SORCS1: variants seen among roughly 807,000 people sequenced by gnomAD.
SORCS1 encodes VPS10 domain-containing receptor SorCS1.
A neutral mutation model predicts 146.1 loss-of-function variants in SORCS1; 60 were observed. The observed-to-expected ratio is 0.41, with a 90% CI of 0.33 to 0.51. SORCS1 has a LOEUF of 0.51. Among genes scored for constraint, SORCS1 ranks in the 20% least tolerant of loss-of-function variants. SORCS1 has a pLI of 0.21. For missense variants in SORCS1, 1,352 were observed against 1,487.6 expected (o/e 0.91, Z 1.50); for synonymous variants, 637 against 584.0 (o/e 1.09, Z -1.31).
chr10:106,819,031 GATCTGGAACAAAATAGGC>G (rs1947881284), intron 3 of SORCS1, among the ~76,000 whole-genome samples: 1 of 152,112 alleles, frequency 6.6e-6, no homozygotes, highest in South Asian at 2.1e-4. Flanking sequence ...TCTTAAAAAA[GATCTGGAACAAAATAGGC>G]ATTTAATACC....
intron 17 of SORCS1, among the ~76,000 whole-genome samples, chr10:106,660,970 A>C (rs1404072998): frequency 2.0e-5 from 3 of 152,254 alleles, no homozygotes; most frequent in African/African-American, 7.2e-5. Flanking sequence ...GGTTTCTTAG[A>C]ATAAACCAAC....
At chr10:106,897,829 G>C (rs1488825326) in intron 2 of SORCS1, among the ~76,000 whole-genome samples, 3 of 152,226 alleles carry the variant, frequency 2.0e-5, no homozygotes, top group Non-Finnish European at 4.4e-5. Context: ...CGTGAGCTCA[G>C]GACTTTGAAC....
intron 1 of SORCS1, among the ~76,000 whole-genome samples, chr10:107,112,280 G>A (rs1965748748): frequency 6.6e-6 from 1 of 152,038 alleles, no homozygotes; most frequent in African/African-American, 2.4e-5. Context: ...TAGAGTTCTT[G>A]TATGCAAAAT....
chr10:106,946,409 G>A (rs1954346853), intron 2 of SORCS1, among the ~76,000 whole-genome samples: 1 of 152,214 alleles, frequency 6.6e-6, no homozygotes, highest in Admixed American at 6.5e-5. Context: ...TTTGGTGGGA[G>A]GTAATTGAAT....
intron 24 of SORCS1, among the ~76,000 whole-genome samples, chr10:106,596,833 G>A (rs1000664150): frequency 2.6e-4 from 40 of 152,230 alleles, no homozygotes; most frequent in Admixed American, 1.8e-3. Context: ...GTATATAAGC[G>A]GTTTGCTGAC....
chr10:106,677,189 A>G (rs1404451256), intron 13 of SORCS1, 124 bp downstream of exon 13: 1 of 883,158 alleles, frequency 1.1e-6, no homozygotes, highest in Non-Finnish European at 1.8e-6. Flanking sequence ...CCTGAACCAA[A>G]CCTCGGCATT....
Position 106,810,943 on chromosome 10 carries a change from C to CTT in SORCS1, c.726+18629_726+18630dup, listed in dbSNP as rs879573301. Among the ~76,000 whole-genome samples, 43 of 141,414 alleles carry CTT rather than the reference C, an allele frequency of 3.0e-4. 1 individual carries two copies. In the East Asian group the frequency reaches 3.5e-3, roughly 11 times the overall value. The allele number at this position is 141,414 out of a possible 152,430, so 92.8% of individuals were successfully genotyped here. A position where few individuals can be genotyped will look rare whatever the true frequency, so the allele number is the denominator to read the frequency against. On this transcript the variant is annotated intron_variant, in intron 3 of 25. Transcript: ENST00000263054. ...CAAATGGAGAAAAAGGGTATAATTT[C>CTT]TTTTTTTTTTTTTTTGAGATGGAGT...
At chr10:106,824,074 C>T (rs569789106) in intron 3 of SORCS1, among the ~76,000 whole-genome samples, 10 of 152,088 alleles carry the variant, frequency 6.6e-5, no homozygotes, top group Admixed American at 3.3e-4. Flanking sequence ...GAGGCCGAGG[C>T]GGGTGGATCA....
chr10:106,966,517 G>C (rs1955502275), intron 1 of SORCS1, among the ~76,000 whole-genome samples: 1 of 152,108 alleles, frequency 6.6e-6, no homozygotes, highest in Admixed American at 6.6e-5. Flanking sequence ...AAAATCCTCT[G>C]CATGGCACTG....
intron 1 of SORCS1, among the ~76,000 whole-genome samples, chr10:106,959,840 G>C (rs1362626272): frequency 6.6e-6 from 1 of 152,178 alleles, no homozygotes; most frequent in East Asian, 1.9e-4. Flanking sequence ...TAAGTGAAAT[G>C]TTGTATGTGC....
chr10:106,971,849 A>T (rs1955800592), intron 1 of SORCS1, among the ~76,000 whole-genome samples: 1 of 152,170 alleles, frequency 6.6e-6, no homozygotes, highest in African/African-American at 2.4e-5. Context: ...TTTGAATCAA[A>T]GTCTGAATTC....
chr10:107,111,206 A>G (rs1358934910), intron 1 of SORCS1, among the ~76,000 whole-genome samples: 1 of 152,234 alleles, frequency 6.6e-6, no homozygotes, highest in Non-Finnish European at 1.5e-5. Context: ...AACTATGAAC[A>G]TTCTATAATT....
intron 5 of SORCS1, among the ~76,000 whole-genome samples, chr10:106,737,442 T>A (rs537005344): frequency 3.6e-5 from 2 of 56,294 alleles, no homozygotes; most frequent in African/African-American, 4.1e-5. Flanking sequence ...ATATTTTTTT[T>A]AAAGAGGGGG....
At chr10:107,035,336 G>A (rs1324786590) in intron 1 of SORCS1, among the ~76,000 whole-genome samples, 1 of 151,342 alleles carries the variant, frequency 6.6e-6, no homozygotes, top group African/African-American at 2.4e-5. Context: ...TCTCTTTGGA[G>A]GAAAGCATAG....
intron 2 of SORCS1, among the ~76,000 whole-genome samples, chr10:106,890,154 A>T (rs963519886): frequency 2.6e-5 from 4 of 152,132 alleles, no homozygotes; most frequent in African/African-American, 9.7e-5. Flanking sequence ...ATTCTGATGC[A>T]CAATTAATTT....
intron 1 of SORCS1, among the ~76,000 whole-genome samples, chr10:107,131,978 T>G (rs1966888183): frequency 6.6e-6 from 1 of 152,220 alleles, no homozygotes; most frequent in South Asian, 2.1e-4. Context: ...AATAGAAAAT[T>G]TGTTTTCCAT....
chr10:107,070,224 T>C (rs1006954260), intron 1 of SORCS1, among the ~76,000 whole-genome samples: 17 of 152,182 alleles, frequency 1.1e-4, no homozygotes, highest in East Asian at 1.9e-4. Context: ...TCCCACATTT[T>C]TCCTAGTACG....
chr10:106,980,991 GA>G lies in SORCS1; in HGVS notation c.559-24412del, dbSNP rs1014370780. Among the ~76,000 whole-genome samples the G allele has an allele frequency of 6.6e-3, 922 of 138,708 alleles. 12 individuals are homozygous for G. Among genetic ancestry groups the G allele is most frequent in the African/African-American group, 0.021 (797 of 38,314 alleles). 91.0% of individuals were successfully genotyped at this position (138,708 alleles called of 152,430 possible). On this transcript the variant is annotated intron_variant, in intron 1 of 25. Coordinates refer to ENST00000263054, the MANE Select transcript of SORCS1 (RefSeq NM_052918.5). ...ACTGAAGGTTTCATTTGTTTATGAGGAAAAAAAAAAACAACTGGGTGACACA... is the reference window on the plus strand; with the variant it reads ...ACTGAAGGTTTCATTTGTTTATGAGGAAAAAAAAAACAACTGGGTGACACA...
In SORCS1 at chr10:106,976,333, G is replaced by GGTTTTTTTTGT. The variant is rs1554901322; in HGVS notation, c.559-19754_559-19753insACAAAAAAAAC. On this transcript the variant is annotated intron_variant, in intron 1 of 25. Coordinates refer to ENST00000263054, the MANE Select transcript of SORCS1 (RefSeq NM_052918.5). Reference sequence around the variant, plus strand: ...ATCAACTCATCATCTAGGTTTTTTTGTTTTTTTTTTTTTTTTGAGACGGAG... The same window carrying GGTTTTTTTTGT: ...ATCAACTCATCATCTAGGTTTTTTTGGTTTTTTTTGTTTTTTTTTTTTTTTTTGAGACGGAG... Among the ~76,000 whole-genome samples, 248 of 113,802 alleles carry GGTTTTTTTTGT rather than the reference G, an allele frequency of 2.2e-3. 3 individuals are homozygous for GGTTTTTTTTGT. Among genetic ancestry groups the GGTTTTTTTTGT allele is most frequent in the Admixed American group, 0.021 (225 of 10,928 alleles). 74.7% of individuals were successfully genotyped at this position (113,802 alleles called of 152,430 possible). A position where few individuals can be genotyped will look rare whatever the true frequency, so the allele number is the denominator to read the frequency against.
Sources: gnomAD v4.1 joint callset for allele counts (sites outside exome capture counted in the v4.1 genomes callset) on GRCh38, gnomAD v4.1.1 for gene constraint, MANE v1.5 for transcripts, NCBI Gene and HGNC (gene_info 2026-07-23, HGNC 2026-07-21) for gene names.